The following OSBPL2 variants were observed in gnomAD, a reference collection of about 807,000 sequenced individuals.
OSBPL2 encodes oxysterol binding protein like 2, also known as oxysterol-binding protein-related protein 2.
In OSBPL2, 18 loss-of-function variants were observed where a neutral mutation model predicts 58.4. That is an observed-to-expected ratio of 0.31 (90% CI 0.21 to 0.46). OSBPL2 has a LOEUF of 0.46. OSBPL2 is among the 20% of genes least tolerant of loss of function. The pLI is 1.00. For missense variants in OSBPL2, 461 were observed against 616.5 expected (o/e 0.75, Z 2.67); for synonymous variants, 221 against 234.1 (o/e 0.94, Z 0.51).
intron 1 of OSBPL2, among the ~76,000 whole-genome samples, chr20:62,253,690 C>T (rs899177990): frequency 3.6e-5 from 4 of 111,156 alleles, no homozygotes; most frequent in Non-Finnish European, 6.8e-5. Context: ...GGGAAGAGAG[C>T]GGGAGAGAGA....
At chr20:62,246,451 GT>G (rs1281616283) in intron 1 of OSBPL2, among the ~76,000 whole-genome samples, 2 of 152,172 alleles carry the variant, frequency 1.3e-5, no homozygotes, top group Non-Finnish European at 2.9e-5. Flanking sequence ...GTTAAGTTTT[GT>G]TTTTTTGCAA....
intron 1 of OSBPL2, among the ~76,000 whole-genome samples, chr20:62,253,783 TTTTA>T (rs57972667): frequency 4.1e-5 from 6 of 145,142 alleles, no homozygotes; most frequent in African/African-American, 1.0e-4. Context: ...AAACTCGCCC[TTTTA>T]TTTATTTATT....
In OSBPL2 at chr20:62,291,705, C is replaced by G. The variant is rs1265270829; in HGVS notation, c.1252C>G (p.Leu418Val). ...IRGMENGNMD[L>V]ASQEKERLEE... ...TAAACTGTTTGCTTGGATCCTAGATCTGGCCAGCCAGGAGAAGGAGCGGCT... is the reference window on the plus strand; with the variant it reads ...TAAACTGTTTGCTTGGATCCTAGATGTGGCCAGCCAGGAGAAGGAGCGGCT... Residue 418 changes from leucine (L) to valine (V), a missense_variant and splice_region_variant, in exon 13 of 14, where the codon CTG becomes GTG. This residue lies in a region of OSBPL2 where 319 missense variants were observed against 419.2 expected (regional missense o/e 0.76). Coordinates refer to ENST00000313733, the MANE Select transcript of OSBPL2 (RefSeq NM_144498.4). 1 of 1,613,668 alleles carries G rather than the reference C, an allele frequency of 6.2e-7. No individual in the cohort carries two copies. Among genetic ancestry groups the G allele is most frequent in the Non-Finnish European group, 8.5e-7 (1 of 1,179,930 alleles).
intron 4 of OSBPL2, among the ~76,000 whole-genome samples, chr20:62,268,096 A>C (rs1981813044): frequency 8.3e-6 from 1 of 119,774 alleles, no homozygotes. Context: ...ACGGGGTTTC[A>C]CCTTATTGGC....
At chr20:62,267,243 T>A (rs1428793911) in intron 4 of OSBPL2, among the ~76,000 whole-genome samples, 2 of 152,176 alleles carry the variant, frequency 1.3e-5, no homozygotes, top group Non-Finnish European at 2.9e-5. Flanking sequence ...AGACCCTGTC[T>A]CTAACAAACA....
intron 3 of OSBPL2, among the ~76,000 whole-genome samples, chr20:62,261,948 A>G (rs1268770216): frequency 1.3e-5 from 2 of 152,206 alleles, no homozygotes; most frequent in East Asian, 1.9e-4. Context: ...TAGTAGCGAC[A>G]GGGTTCCGCC....
intron 1 of OSBPL2, among the ~76,000 whole-genome samples, chr20:62,251,650 C>T (rs1279693311): frequency 2.0e-5 from 3 of 151,768 alleles, no homozygotes; most frequent in Non-Finnish European, 2.9e-5. Context: ...TCAGGTGATC[C>T]GCCTGCCTCG....
rs1450514218 is a variant in OSBPL2, at chr20:62,294,474, TA to T, written c.*591del. 1 of 152,906 alleles carries T rather than the reference TA, an allele frequency of 6.5e-6. No individual in the cohort carries two copies. The highest frequency in any genetic ancestry group is 2.4e-5 in the African/African-American group (1 of 41,422). 9.5% of individuals were successfully genotyped at this position (152,906 alleles called of 1,614,324 possible). On this transcript the variant is annotated 3_prime_UTR_variant, in exon 14 of 14. Coordinates refer to ENST00000313733, the MANE Select transcript of OSBPL2 (RefSeq NM_144498.4). ...TCTTCAATAATGTAAAGATTACTTT[TA>T]AAATATTTAAGTTAAAACTACTTGA...
chr20:62,243,924 G>T (rs1341045442), intron 1 of OSBPL2, among the ~76,000 whole-genome samples: 1 of 151,898 alleles, frequency 6.6e-6, no homozygotes, highest in South Asian at 2.1e-4. Context: ...TTGGTTTGAA[G>T]CCCTGCCTGT....
rs142017375 is a variant in OSBPL2 at position 62,283,964 on chromosome 20, A to C, written c.873-82A>C. On this transcript the variant is annotated intron_variant, in intron 9 of 13. Transcript: ENST00000313733. Reference sequence around the variant, plus strand: ...TGCATAAGAAAACATACCTGAGGGGAATTTATTCCAGGGTGCCACATGTTT... The same window carrying C: ...TGCATAAGAAAACATACCTGAGGGGCATTTATTCCAGGGTGCCACATGTTT... 83 of 1,358,012 alleles carry C rather than the reference A, an allele frequency of 6.1e-5. No individual in the cohort carries two copies. The East Asian group carries it at 1.7e-3, about 28-fold the overall frequency. The allele number at this position is 1,358,012 out of a possible 1,614,324, so 84.1% of individuals were successfully genotyped here. A position where few individuals can be genotyped will look rare whatever the true frequency, so the allele number is the denominator to read the frequency against.
intron 1 of OSBPL2, among the ~76,000 whole-genome samples, chr20:62,255,758 G>C (rs1332386388): frequency 6.6e-6 from 1 of 152,168 alleles, no homozygotes; most frequent in East Asian, 1.9e-4. Context: ...GCCCACCTCA[G>C]CCTCCCAAAG....
chr20:62,276,236 A>G (rs1982381511), intron 6 of OSBPL2, among the ~76,000 whole-genome samples: 1 of 152,206 alleles, frequency 6.6e-6, no homozygotes, highest in Non-Finnish European at 1.5e-5. Flanking sequence ...ATTTTTATCA[A>G]TAGTGAGCAA....
chr20:62,275,822 C>A (rs1340042003), intron 6 of OSBPL2, among the ~76,000 whole-genome samples: 1 of 151,968 alleles, frequency 6.6e-6, no homozygotes, highest in East Asian at 1.9e-4. Context: ...TGAATGGCAT[C>A]TTGGGTTCCA....
intron 8 of OSBPL2, 192 bp from the exon 9 acceptor site, chr20:62,281,598 A>C: frequency 1.8e-6 from 1 of 554,918 alleles, no homozygotes; most frequent in Non-Finnish European, 3.3e-6. Flanking sequence ...ATTTTTAGTA[A>C]ATTGACCGAA....
chr20:62,274,177 C>A (rs2145954660), intron 6 of OSBPL2, among the ~76,000 whole-genome samples: 1 of 152,328 alleles, frequency 6.6e-6, no homozygotes, highest in East Asian at 1.9e-4. Context: ...CTTCACCCAC[C>A]TGGTTGCCCT....
chr20:62,283,468 C>G (rs1241681780), intron 9 of OSBPL2, among the ~76,000 whole-genome samples: 1 of 152,188 alleles, frequency 6.6e-6, no homozygotes, highest in Non-Finnish European at 1.5e-5. Context: ...TATTTGGCTT[C>G]ATCCCTTTTA....
chr20:62,286,498 C>G, intron 10 of OSBPL2, 85 bp from the exon 11 acceptor site: 1 of 1,480,224 alleles, frequency 6.8e-7, no homozygotes, highest in Middle Eastern at 1.8e-4. Context: ...GGTGACTGGT[C>G]TGAAAGGCGC....
intron 1 of OSBPL2, among the ~76,000 whole-genome samples, chr20:62,241,457 T>C (rs1224455587): frequency 6.6e-6 from 1 of 152,276 alleles, no homozygotes; most frequent in Non-Finnish European, 1.5e-5. Flanking sequence ...AGGGAATTGT[T>C]GACACATTTT....
In OSBPL2 at chr20:62,279,211, C is replaced by T. The variant is rs2145962555; in HGVS notation, c.546C>T (p.Ile182=). 2 of 1,614,200 alleles carry T rather than the reference C, an allele frequency of 1.2e-6. No individual in the cohort carries two copies. Among genetic ancestry groups the T allele is most frequent in the Non-Finnish European group, 1.7e-6 (2 of 1,179,992 alleles). ...ISEQVSHHPP[I]SAFHSEGLNH... is the part of the protein sequence containing the mutation. ...AACAGGTCAGTCACCACCCCCCCAT[C>T]AGTGCGTTCCACTCGGAAGGTCTCA... The change falls in exon 7 of 14, where the codon ATC becomes ATT. Residue 182 remains isoleucine, a synonymous_variant. Transcript: ENST00000313733.
Sources: gnomAD v4.1 joint callset for allele counts (sites outside exome capture counted in the v4.1 genomes callset) on GRCh38, gnomAD v4.1.1 for gene constraint, gnomAD v4.1.1 regional missense constraint, MANE v1.5 for transcripts, NCBI Gene and HGNC (gene_info 2026-07-23, HGNC 2026-07-21) for gene names.